DPP10: variants seen among roughly 807,000 people sequenced by gnomAD.
DPP10 encodes the protein inactive dipeptidyl peptidase 10.
A neutral mutation model predicts 120.9 loss-of-function variants in DPP10; 33 were observed. The observed-to-expected ratio is 0.27, with a 90% CI of 0.21 to 0.37. DPP10 has a LOEUF of 0.37. Among genes scored for constraint, DPP10 ranks in the 10% least tolerant of loss-of-function variants. The pLI is 1.00. For missense variants in DPP10, 816 were observed against 942.8 expected (o/e 0.87, Z 1.76); for synonymous variants, 337 against 326.1 (o/e 1.03, Z -0.36).
At chr2:115,243,989 A>G (rs2058405831) in intron 1 of DPP10, among the ~76,000 whole-genome samples, 2 of 151,544 alleles carry the variant, frequency 1.3e-5, no homozygotes, top group Non-Finnish European at 2.9e-5. Context: ...AGTTGTTTAT[A>G]TATATAGTCC....
chr2:114,722,977 A>G (rs1239341869), intron 1 of DPP10, among the ~76,000 whole-genome samples: 1 of 152,086 alleles, frequency 6.6e-6, no homozygotes, highest in African/African-American at 2.4e-5. Flanking sequence ...ATTGGAGAAA[A>G]GCAAAGTTGT....
intron 5 of DPP10, among the ~76,000 whole-genome samples, chr2:115,571,693 C>CT (rs11462795): frequency 0.16 from 19,197 of 116,886 alleles, 1,722 homozygotes; most frequent in African/African-American, 0.31. Context: ...GTTGTTGTTC[C>CT]TTTTTTTTTT....
At chr2:114,638,069 T>A (rs1695427517) in intron 1 of DPP10, among the ~76,000 whole-genome samples, 1 of 151,914 alleles carries the variant, frequency 6.6e-6, no homozygotes, top group Non-Finnish European at 1.5e-5. Context: ...GTAAATTGCT[T>A]TGGGCAGTAT....
chr2:114,496,369 A>G (rs77520272), intron 1 of DPP10, among the ~76,000 whole-genome samples: 7,254 of 152,244 alleles, frequency 0.048, 248 homozygotes, highest in African/African-American at 0.092. Context: ...GGATGCTGCA[A>G]CAAAATACCT....
intron 1 of DPP10, among the ~76,000 whole-genome samples, chr2:114,911,988 G>A (rs758229007): frequency 1.3e-4 from 20 of 152,176 alleles, no homozygotes; most frequent in Middle Eastern, 3.2e-3. Context: ...GGCTTTTTGA[G>A]TAAATTTTAC....
rs184539068 is a variant in DPP10, at chr2:114,521,909, G to A, written c.60+79071G>A. Among the ~76,000 whole-genome samples, 1,322 of 145,398 alleles carry A rather than the reference G, an allele frequency of 9.1e-3. 8 individuals carry two copies. The highest frequency in any genetic ancestry group is 0.014 in the Non-Finnish European group (921 of 67,274). On this transcript the variant is annotated intron_variant, in intron 1 of 25. Coordinates refer to ENST00000410059, the MANE Select transcript of DPP10 (RefSeq NM_020868.6). ...TGCAAGCTCCGCTTCCCGGGTTCACGCCATTCTCCTGCCTCAGCCTCCCGA... is the reference window on the plus strand; with the variant it reads ...TGCAAGCTCCGCTTCCCGGGTTCACACCATTCTCCTGCCTCAGCCTCCCGA...
At chr2:114,562,386 T>G (rs1688833340) in intron 1 of DPP10, among the ~76,000 whole-genome samples, 1 of 152,220 alleles carries the variant, frequency 6.6e-6, no homozygotes, top group Admixed American at 6.5e-5. Flanking sequence ...TCCATTGGAC[T>G]CCATCACTGG....
chr2:114,546,564 G>A (rs184796737), intron 1 of DPP10, among the ~76,000 whole-genome samples: 1 of 152,222 alleles, frequency 6.6e-6, no homozygotes, highest in African/African-American at 2.4e-5. Flanking sequence ...CCTTACAGTG[G>A]GCCTGAAGCT....
intron 1 of DPP10, among the ~76,000 whole-genome samples, chr2:114,554,099 T>C (rs1274276234): frequency 1.3e-5 from 2 of 152,232 alleles, no homozygotes; most frequent in Non-Finnish European, 2.9e-5. Flanking sequence ...CCATAATTGC[T>C]AAAGGAGATT....
At chr2:114,684,077 C>T (rs2105728460) in intron 1 of DPP10, among the ~76,000 whole-genome samples, 1 of 152,084 alleles carries the variant, frequency 6.6e-6, no homozygotes, top group Admixed American at 6.6e-5. Context: ...AGGGACAATC[C>T]ATGTCTCCAT....
At chr2:115,745,706 T>C (rs950385047) in intron 9 of DPP10, among the ~76,000 whole-genome samples, 12 of 150,462 alleles carry the variant, frequency 8.0e-5, no homozygotes, top group African/African-American at 2.7e-4. Context: ...CCAAACCTTC[T>C]TCCCATTGCA....
chr2:115,307,179 C>CT (rs2061390891), intron 1 of DPP10, among the ~76,000 whole-genome samples: 1 of 151,958 alleles, frequency 6.6e-6, no homozygotes, highest in Non-Finnish European at 1.5e-5. Flanking sequence ...GATTGCAAAT[C>CT]TAAAATATTT....
At chr2:115,486,819 C>A (rs1159836610) in intron 3 of DPP10, among the ~76,000 whole-genome samples, 1 of 152,020 alleles carries the variant, frequency 6.6e-6, no homozygotes, top group Non-Finnish European at 1.5e-5. Context: ...TGCTGCTATT[C>A]ACATTTTAGC....
At chr2:115,580,663 T>G (rs536756773) in intron 5 of DPP10, among the ~76,000 whole-genome samples, 1 of 152,326 alleles carries the variant, frequency 6.6e-6, no homozygotes, top group Admixed American at 6.5e-5. Flanking sequence ...ATGATATTAA[T>G]AAATGAATTC....
At chr2:115,646,730 C>G (rs1453793906) in intron 5 of DPP10, among the ~76,000 whole-genome samples, 1 of 152,112 alleles carries the variant, frequency 6.6e-6, no homozygotes, top group Non-Finnish European at 1.5e-5. Flanking sequence ...TATACAAATT[C>G]TAAAAAAGTT....
intron 5 of DPP10, among the ~76,000 whole-genome samples, chr2:115,611,070 T>C (rs989920349): frequency 6.6e-6 from 1 of 152,090 alleles, no homozygotes; most frequent in Non-Finnish European, 1.5e-5. Flanking sequence ...AGAATTTTAA[T>C]AAAAGCCAGA....
intron 1 of DPP10, among the ~76,000 whole-genome samples, chr2:114,526,253 C>A (rs1335509023): frequency 6.6e-6 from 1 of 152,174 alleles, no homozygotes; most frequent in Non-Finnish European, 1.5e-5. Context: ...ATCACCAACA[C>A]AAAGATAGTG....
intron 5 of DPP10, among the ~76,000 whole-genome samples, chr2:115,596,838 G>T (rs978075134): frequency 2.5e-4 from 38 of 152,254 alleles, no homozygotes; most frequent in African/African-American, 8.9e-4. Flanking sequence ...TACACAGGTA[G>T]GCACCCTTTC....
intron 1 of DPP10, among the ~76,000 whole-genome samples, chr2:114,964,026 A>G (rs1051943734): frequency 6.6e-6 from 1 of 152,162 alleles, no homozygotes; most frequent in African/African-American, 2.4e-5. Context: ...AGGACTAATA[A>G]TACTAAGAAC....
Sources: gnomAD v4.1 joint callset for allele counts (sites outside exome capture counted in the v4.1 genomes callset) on GRCh38, gnomAD v4.1.1 for gene constraint, MANE v1.5 for transcripts, NCBI Gene and HGNC (gene_info 2026-07-23, HGNC 2026-07-21) for gene names.